Variants in DGCR8 observed in about 807,000 individuals in gnomAD.
The protein encoded by DGCR8 is DGCR8 microprocessor complex subunit.
Under a neutral mutation model 78.5 loss-of-function variants are expected in DGCR8, and 14 were observed. The observed-to-expected ratio is 0.18, with a 90% CI of 0.12 to 0.28. DGCR8 has a LOEUF of 0.28. DGCR8 is among the 10% of genes least tolerant of loss of function. The pLI, the probability that DGCR8 is intolerant of heterozygous loss-of-function variation, is 1.00. For synonymous variants in DGCR8, 399 were observed against 402.4 expected (o/e 0.99, Z 0.10); for missense variants, 702 against 1,022.5 (o/e 0.69, Z 4.28).
intron 13 of DGCR8, 74 bp downstream of exon 13, chr22:20,109,077 C>T (rs2049804633): frequency 2.5e-6 from 2 of 794,126 alleles, no homozygotes; most frequent in East Asian, 5.0e-5. Flanking sequence ...ACAGCAGACC[C>T]CAGGACCCGT....
At chr22:20,083,474 A>G (rs1193495522) in intron 1 of DGCR8, among the ~76,000 whole-genome samples, 3 of 151,810 alleles carry the variant, frequency 2.0e-5, no homozygotes, top group African/African-American at 7.3e-5. Flanking sequence ...CTGCTTTCCT[A>G]AGGAGCTCAC....
At chr22:20,094,164 C>T (rs1453699965) in intron 8 of DGCR8, among the ~76,000 whole-genome samples, 1 of 152,200 alleles carries the variant, frequency 6.6e-6, no homozygotes, top group Non-Finnish European at 1.5e-5. Context: ...GACAGCTTGG[C>T]TCCATGTCTT....
Position 20,106,207 on chromosome 22 carries a change from C to T in DGCR8, c.1819C>T (p.Arg607Trp). The change falls in exon 10 of 14, where the codon CGG (arginine) becomes TGG (tryptophan). Residue 607 changes from arginine to tryptophan, a missense_variant. By Grantham distance (101) the Arg-to-Trp change is moderately radical (BLOSUM62 -3). Coordinates refer to ENST00000351989, the MANE Select transcript of DGCR8 (RefSeq NM_022720.7). ...TAACCACATCAGCATCGAGGACTCG[C>T]GGGTCTACGAGCTGACCAGCAAGGC... ...YFNHISIEDS[R>W]VYELTSKAGL... 1 of 1,614,068 alleles carries T rather than the reference C, an allele frequency of 6.2e-7. No individual in the cohort carries two copies. Among genetic ancestry groups the T allele is most frequent in the Non-Finnish European group, 8.5e-7 (1 of 1,180,042 alleles).
chr22:20,106,302 C>A lies in DGCR8; in HGVS notation c.1889+25C>A, dbSNP rs1174962047. ...GGTAGGGTAGGGGGGTGCCTCCCCC[C>A]ATGAGTCAGGTCGGGGGAGCTCCTC... is the stretch of plus-strand genomic sequence containing the variant. On this transcript the variant is annotated intron_variant, in intron 10 of 13. Transcript: ENST00000351989. 3.8e-6 allele frequency: 6 copies of A among 1,570,774 alleles called. No homozygotes were observed. The South Asian group carries it at 4.4e-5, about 12-fold the overall frequency.
chr22:20,101,514 C>G, intron 9 of DGCR8: 1 of 913,498 alleles, frequency 1.1e-6, no homozygotes, highest in Non-Finnish European at 1.3e-6. Context: ...GGAGGCGGAG[C>G]TTGCAGCGAG....
chr22:20,102,156 C>G (rs2049710623), intron 9 of DGCR8: 1 of 753,066 alleles, frequency 1.3e-6, no homozygotes, highest in African/African-American at 1.9e-5. Context: ...TGAGTTTTGA[C>G]AAATACACAG....
chr22:20,111,549 CATTTG>C lies in DGCR8; in HGVS notation c.*1443_*1447del. ...CCTCCTGTCTGCAGCTGTGAATAGT[CATTTG>C]ACTGTGACTGTTGCCCTTAGCCAGC... On this transcript the variant is annotated 3_prime_UTR_variant, in exon 14 of 14. Coordinates refer to ENST00000351989, the MANE Select transcript of DGCR8 (RefSeq NM_022720.7). 2.5e-6 allele frequency: 1 copy of C among 397,682 alleles called. No individual in the cohort carries two copies. The highest frequency in any genetic ancestry group is 4.4e-5 in the Admixed American group (1 of 22,724). 24.6% of individuals were successfully genotyped at this position (397,682 alleles called of 1,614,324 possible). A position where few individuals can be genotyped will look rare whatever the true frequency, so the allele number is the denominator to read the frequency against.
intron 1 of DGCR8, among the ~76,000 whole-genome samples, chr22:20,081,232 A>T (rs887131710): frequency 6.6e-6 from 1 of 152,190 alleles, no homozygotes; most frequent in Non-Finnish European, 1.5e-5. Flanking sequence ...AGCGGGAGAG[A>T]CTTGACCAAA....
Position 20,111,621 on chromosome 22 carries a change from C to T in DGCR8, c.*1513C>T, listed in dbSNP as rs898519707. ...CCAAAGCTTCGTGCACATGTGTTCC[C>T]CTAAAGGTTGGGGAGCCTCGCTGTG... On this transcript the variant is annotated 3_prime_UTR_variant, in exon 14 of 14. Transcript: ENST00000351989. The T allele has an allele frequency of 5.2e-6, 2 of 387,090 alleles. No homozygotes were observed. The highest frequency in any genetic ancestry group is 3.6e-5 in the East Asian group (1 of 27,576). The allele number at this position is 387,090 out of a possible 1,614,324, so 24.0% of individuals were successfully genotyped here. A position where few individuals can be genotyped will look rare whatever the true frequency, so the allele number is the denominator to read the frequency against.
At chr22:20,092,694 C>T (rs568589565) in intron 7 of DGCR8, 115 bp from the exon 8 acceptor site, 350 of 831,092 alleles carry the variant, frequency 4.2e-4, no homozygotes, top group Non-Finnish European at 4.0e-4. Context: ...AGCACAGGCC[C>T]ACTCTCTGCA....
intron 7 of DGCR8, among the ~76,000 whole-genome samples, chr22:20,092,289 G>A (rs2049574694): frequency 6.6e-6 from 1 of 152,152 alleles, no homozygotes; most frequent in Non-Finnish European, 1.5e-5. Flanking sequence ...TGTGCACTGG[G>A]TCCTTTCCCT....
intron 12 of DGCR8, 91 bp downstream of exon 12, chr22:20,107,489 G>A: frequency 6.6e-7 from 1 of 1,511,330 alleles, no homozygotes; most frequent in Non-Finnish European, 9.1e-7. Flanking sequence ...GCAGAGCTGG[G>A]CAGCTCTGCT....
rs2049489939 is a variant in DGCR8 at position 20,086,812 on chromosome 22, G to A, written c.720+129G>A. On this transcript the variant is annotated intron_variant, in intron 2 of 13. Transcript: ENST00000351989. The surrounding 1 kb of genome is among the most constrained non-coding windows in gnomAD (Gnocchi z 6.4). Reference sequence around the variant, plus strand: ...CAAAAACCAAAATCCCCTCTGAGGTGGAATAATGTTAATGTGGAGAAGAGA... The same window carrying A: ...CAAAAACCAAAATCCCCTCTGAGGTAGAATAATGTTAATGTGGAGAAGAGA... 9.1e-7 allele frequency: 1 copy of A among 1,097,350 alleles called. No homozygotes were observed. Among genetic ancestry groups the A allele is most frequent in the African/African-American group, 1.6e-5 (1 of 63,554 alleles). The allele number at this position is 1,097,350 out of a possible 1,614,324, so 68.0% of individuals were successfully genotyped here. A position where few individuals can be genotyped will look rare whatever the true frequency, so the allele number is the denominator to read the frequency against.
At position 20,111,458 on chromosome 22, in the gene DGCR8, C is replaced by T; in HGVS notation, c.*1350C>T. 1 of 398,092 alleles carries T rather than the reference C, an allele frequency of 2.5e-6. No homozygotes were observed. The highest frequency in any genetic ancestry group is 3.6e-5 in the East Asian group (1 of 28,036). 24.7% of individuals were successfully genotyped at this position (398,092 alleles called of 1,614,324 possible). Reference sequence around the variant, plus strand: ...CTACCTGTGTGACCAAGGTTGGCTTCTGTTGACCTTTAAAAAAGAAACCCT... The same window carrying T: ...CTACCTGTGTGACCAAGGTTGGCTTTTGTTGACCTTTAAAAAAGAAACCCT... On this transcript the variant is annotated 3_prime_UTR_variant, in exon 14 of 14. Transcript: ENST00000351989.
intron 1 of DGCR8, among the ~76,000 whole-genome samples, chr22:20,084,253 C>T (rs1455278410): frequency 4.6e-5 from 7 of 152,226 alleles, no homozygotes; most frequent in Non-Finnish European, 2.9e-5. Context: ...ATCTCCTGTT[C>T]TTTCCGGGAA....
intron 9 of DGCR8, among the ~76,000 whole-genome samples, 158 bp downstream of exon 9, chr22:20,094,953 T>C (rs1376420383): frequency 6.6e-6 from 1 of 152,176 alleles, no homozygotes; most frequent in Admixed American, 6.5e-5. Flanking sequence ...TTGTATTTCA[T>C]AAAGAGGAAA....
At chr22:20,108,765 T>A in intron 12 of DGCR8, 125 bp from the exon 13 acceptor site, 1 of 161,728 alleles carries the variant, frequency 6.2e-6, no homozygotes, top group Admixed American at 1.5e-4. Context: ...AGCTCCTGGC[T>A]GTTTCGTGTC....
Position 20,080,478 on chromosome 22 carries a change from C to G in DGCR8, c.-278+95C>G, listed in dbSNP as rs1300865502. The G allele has an allele frequency of 5.1e-6, 5 of 983,518 alleles. No homozygotes were observed. In the African/African-American group the frequency reaches 8.8e-5, roughly 17 times the overall value. The allele number at this position is 983,518 out of a possible 1,614,324, so 60.9% of individuals were successfully genotyped here. ...CTTCCCTCCCGCCTCCCTCCGGGAC[C>G]GAGGCCGCGGGCGGGGCGGGGGCGC... is the stretch of plus-strand genomic sequence containing the variant. On this transcript the variant is annotated intron_variant, in intron 1 of 13. Transcript: ENST00000351989.
intron 5 of DGCR8, 123 bp downstream of exon 5, chr22:20,090,381 C>A: frequency 8.5e-7 from 1 of 1,175,690 alleles, no homozygotes; most frequent in Non-Finnish European, 1.2e-6. Context: ...TGTGCACCTC[C>A]ACTGTTGGTG....
Sources: allele counts gnomAD v4.1 joint callset (sites outside exome capture counted in the v4.1 genomes callset), GRCh38; gene constraint gnomAD v4.1.1; non-coding constraint Gnocchi (gnomAD v3.1); transcripts MANE v1.5; gene names NCBI Gene and HGNC (gene_info 2026-07-23, HGNC 2026-07-21).